Variants in AP2A1 observed in about 807,000 individuals in gnomAD.
AP2A1 encodes AP-2 complex subunit alpha-1.
A neutral mutation model predicts 107.3 loss-of-function variants in AP2A1; 21 were observed. The observed-to-expected ratio is 0.20, with a 90% CI of 0.14 to 0.28. The LOEUF is 0.28. Among genes scored for constraint, AP2A1 ranks in the 10% least tolerant of loss-of-function variants. AP2A1 has a pLI of 1.00. For missense variants in AP2A1, 873 were observed against 1,307.7 expected (o/e 0.67, Z 5.13); for synonymous variants, 602 against 564.8 (o/e 1.07, Z -0.93).
chr19:49,770,736 T>A (rs1206788311), intron 1 of AP2A1, among the ~76,000 whole-genome samples: 1 of 152,244 alleles, frequency 6.6e-6, no homozygotes, highest in Admixed American at 6.5e-5. Context: ...CCACGTGTTG[T>A]ATGATTCCAT....
At chr19:49,802,272 G>A in intron 15 of AP2A1, 131 bp downstream of exon 15, 1 of 854,800 alleles carries the variant, frequency 1.2e-6, no homozygotes, top group East Asian at 2.7e-5. Context: ...TGATGCCTTC[G>A]CCAGCCCTGG....
chr19:49,781,584 T>C (rs1467596413), intron 1 of AP2A1, among the ~76,000 whole-genome samples, 173 bp from the exon 2 acceptor site: 1 of 152,062 alleles, frequency 6.6e-6, no homozygotes, highest in Non-Finnish European at 1.5e-5. Context: ...GCGGTGGTTC[T>C]TCCCTCTTTG....
Position 49,795,627 on chromosome 19 carries a change from CAGATCGTCTCCTCTGCCTCCA to C in AP2A1, c.706-2_724del. On this transcript the variant is annotated splice_acceptor_variant and coding_sequence_variant, in exon 7 of 23. Transcript: ENST00000354293. LOFTEE classifies it high-confidence loss of function. ...CAACTTATTTCTTGCTCTTCCCCGC[CAGATCGTCTCCTCTGCCTCCA>C]CCGACCTCCAGGACTACACCTACTA... is the stretch of plus-strand genomic sequence containing the variant. 6.5e-7 allele frequency: 1 copy of C among 1,538,592 alleles called. No individual in the cohort carries two copies. The highest frequency in any genetic ancestry group is 8.8e-7 in the Non-Finnish European group (1 of 1,133,136).
chr19:49,793,327 C>T (rs974910710), intron 6 of AP2A1, among the ~76,000 whole-genome samples: 1 of 152,204 alleles, frequency 6.6e-6, no homozygotes, highest in Non-Finnish European at 1.5e-5. Flanking sequence ...ATACCGGTGC[C>T]CACCTGGAGG....
At chr19:49,775,375 C>G (rs182631971) in intron 1 of AP2A1, among the ~76,000 whole-genome samples, 2 of 152,244 alleles carry the variant, frequency 1.3e-5, no homozygotes, top group African/African-American at 2.4e-5. Context: ...AGTGCAGTGT[C>G]AGGATCTCAG....
At position 49,805,791 on chromosome 19, in the gene AP2A1, AG is replaced by A; in HGVS notation, c.2585+19del. ...GCAGCTGAGCCTGTGAGGGGTGGGGAGGGGGCGGAGCCAAAGCCGCGCCTCT... is the reference window on the plus strand; with the variant it reads ...GCAGCTGAGCCTGTGAGGGGTGGGGAGGGGCGGAGCCAAAGCCGCGCCTCT... On this transcript the variant is annotated intron_variant, in intron 20 of 22. Transcript: ENST00000354293. The A allele has an allele frequency of 1.6e-6, 1 of 643,154 alleles. No homozygotes were observed. Among genetic ancestry groups the A allele is most frequent in the Middle Eastern group, 3.1e-4 (1 of 3,220 alleles). The allele number at this position is 643,154 out of a possible 1,614,324, so 39.8% of individuals were successfully genotyped here.
intron 1 of AP2A1, among the ~76,000 whole-genome samples, chr19:49,770,735 G>A (rs1279937364): frequency 6.6e-6 from 1 of 152,228 alleles, no homozygotes; most frequent in African/African-American, 2.4e-5. Context: ...GCCACGTGTT[G>A]TATGATTCCA....
intron 1 of AP2A1, among the ~76,000 whole-genome samples, chr19:49,771,199 G>A (rs989613388): frequency 1.3e-5 from 2 of 151,200 alleles, no homozygotes; most frequent in African/African-American, 4.9e-5. Flanking sequence ...AGCTGGACAC[G>A]GCACATGCTT....
At chr19:49,803,050 A>G (rs778826163) in intron 16 of AP2A1, 45 bp downstream of exon 16, 1 of 1,613,572 alleles carries the variant, frequency 6.2e-7, no homozygotes, top group South Asian at 1.1e-5. Context: ...ACAGGTGCGG[A>G]GCCCAGGCCA....
intron 15 of AP2A1, chr19:49,802,554 C>T (rs373662953): frequency 1.9e-6 from 3 of 1,606,634 alleles, no homozygotes; most frequent in Admixed American, 1.7e-5. Flanking sequence ...CCGCCTGCCC[C>T]CGAGAGCCCC....
chr19:49,782,814 C>T, intron 4 of AP2A1, 90 bp downstream of exon 4: 6 of 1,390,264 alleles, frequency 4.3e-6, no homozygotes, highest in Non-Finnish European at 5.7e-6. Context: ...TGTTGCCTGC[C>T]CAAGGTCTCC....
chr19:49,804,622 A>C (rs556681978), intron 18 of AP2A1: 2 of 152,194 alleles, frequency 1.3e-5, no homozygotes, highest in Non-Finnish European at 2.9e-5. Flanking sequence ...ACAAAAGAAC[A>C]TGAGACCCAG....
chr19:49,772,069 C>A (rs190223370), intron 1 of AP2A1, among the ~76,000 whole-genome samples: 3 of 151,764 alleles, frequency 2.0e-5, no homozygotes, highest in East Asian at 3.9e-4. Context: ...GTCTCTCTTT[C>A]TTTTTTTTGA....
chr19:49,801,799 G>A lies in AP2A1; in HGVS notation c.1863G>A (p.Gly621=). The part of the protein sequence containing the change: ...SILAKLKRKK[G]PGAGSALDDG... ...TGGCCAAGCTGAAACGCAAGAAGGG[G>A]CCAGGGGCCGGCAGCGCCCTGGACG... The change falls in exon 14 of 23, where the codon GGG becomes GGA. Residue 621 remains glycine (G), a synonymous_variant. Transcript: ENST00000354293. The A allele has an allele frequency of 1.3e-6, 2 of 1,560,534 alleles. No individual in the cohort carries two copies. Among genetic ancestry groups the A allele is most frequent in the Non-Finnish European group, 1.7e-6 (2 of 1,156,216 alleles).
intron 1 of AP2A1, among the ~76,000 whole-genome samples, chr19:49,772,978 G>A (rs2084580269): frequency 6.6e-6 from 1 of 151,858 alleles, no homozygotes; most frequent in Non-Finnish European, 1.5e-5. Flanking sequence ...GGGAAGAGAA[G>A]GGCGGAGGGA....
Position 49,805,594 on chromosome 19 carries a change from C to A in AP2A1, c.2468+18C>A. 1 of 1,563,728 alleles carries A rather than the reference C, an allele frequency of 6.4e-7. No homozygotes were observed. The highest frequency in any genetic ancestry group is 8.7e-7 in the Non-Finnish European group (1 of 1,153,992). On this transcript the variant is annotated intron_variant, in intron 19 of 22. Coordinates refer to ENST00000354293, the MANE Select transcript of AP2A1 (RefSeq NM_130787.3). Reference sequence around the variant, plus strand: ...CGCTTCCGGTGAGTCAGGTACGGCGCGGCCGGTGGGCGGAGCCTCCGGGGT... The same window carrying A: ...CGCTTCCGGTGAGTCAGGTACGGCGAGGCCGGTGGGCGGAGCCTCCGGGGT...
At chr19:49,774,867 C>T (rs970766338) in intron 1 of AP2A1, among the ~76,000 whole-genome samples, 9 of 149,702 alleles carry the variant, frequency 6.0e-5, no homozygotes, top group Non-Finnish European at 8.9e-5. Flanking sequence ...TGCAGTGAGC[C>T]GAGATTGTGC....
Position 49,799,399 on chromosome 19 carries a change from C to G in AP2A1, c.1038C>G (p.Arg346=). The G allele has an allele frequency of 3.1e-6, 5 of 1,612,464 alleles. No individual in the cohort carries two copies. Among genetic ancestry groups the G allele is most frequent in the Non-Finnish European group, 4.2e-6 (5 of 1,179,516 alleles). ...TGCAGCACCGGGAGACCAACCTGCG[C>G]TACCTGGCCCTGGAGAGCATGTGCA... ...QFLQHRETNL[R]YLALESMCTL... Residue 346 remains arginine (R), a synonymous_variant, in exon 9 of 23, where the codon CGC becomes CGG. Transcript: ENST00000354293.
chr19:49,805,863 G>T lies in AP2A1; in HGVS notation c.2586-9G>T, dbSNP rs1348346859. 5.6e-6 allele frequency: 9 copies of T among 1,613,492 alleles called. No individual in the cohort carries two copies. The highest frequency in any genetic ancestry group is 7.6e-6 in the Non-Finnish European group (9 of 1,179,876). On this transcript the variant is annotated splice_polypyrimidine_tract_variant and intron_variant, in intron 20 of 22. Coordinates refer to ENST00000354293, the MANE Select transcript of AP2A1 (RefSeq NM_130787.3). The stretch of plus-strand genomic sequence containing the variant: ...CCAGGTCCCTGACTTGAACCTTCCC[G>T]GTCCCCAGCCCTCAACAGGAGGCGC...
Sources: gnomAD v4.1 joint callset for allele counts (sites outside exome capture counted in the v4.1 genomes callset) on GRCh38, gnomAD v4.1.1 for gene constraint, MANE v1.5 for transcripts, NCBI Gene and HGNC (gene_info 2026-07-23, HGNC 2026-07-21) for gene names.